THBS4: variants seen among roughly 807,000 people sequenced by gnomAD.
THBS4 encodes thrombospondin-4.
A neutral mutation model predicts 115.7 loss-of-function variants in THBS4; 90 were observed. The observed-to-expected ratio is 0.78, with a 90% confidence interval of 0.66 to 0.93. THBS4 has a LOEUF of 0.93. THBS4 is among the 40% of genes least tolerant of loss of function. The pLI is 0.00. For missense variants in THBS4, 1,087 were observed against 1,232.7 expected (o/e 0.88, Z 1.77); for synonymous variants, 460 against 479.3 (o/e 0.96, Z 0.53).
At chr5:80,032,510 G>C (rs1301587126), upstream of THBS4, among the ~76,000 whole-genome samples, 1 of 151,794 alleles carries the variant, frequency 6.6e-6, no homozygotes, top group Non-Finnish European at 1.5e-5. Flanking sequence ...CCGTCTGCAA[G>C]CTGAGGAGCA....
chr5:80,066,110 A>C (rs980979825), intron 9 of THBS4, among the ~76,000 whole-genome samples: 3 of 151,940 alleles, frequency 2.0e-5, no homozygotes, highest in African/African-American at 4.8e-5. Context: ...AAAAAAAAAA[A>C]AAAAACTTTT....
Position 80,083,277 on chromosome 5 carries a change from A to G in THBS4, c.*136A>G. On this transcript the variant is annotated 3_prime_UTR_variant, in exon 22 of 22. Transcript: ENST00000350881. ...ATGTGGCAATAAAGGAGAAGAGATCATTTTTAAAAACCGTGTTGCTCAGAC... is the reference window on the plus strand; with the variant it reads ...ATGTGGCAATAAAGGAGAAGAGATCGTTTTTAAAAACCGTGTTGCTCAGAC... 6.3e-6 allele frequency: 5 copies of G among 790,260 alleles called. No homozygotes were observed. The South Asian group carries it at 6.6e-5, about 10-fold the overall frequency. 49.0% of individuals were successfully genotyped at this position (790,260 alleles called of 1,614,324 possible).
At chr5:80,007,065 A>G (rs1024357835) in intron 2 of THBS4, among the ~76,000 whole-genome samples, 2 of 152,158 alleles carry the variant, frequency 1.3e-5, no homozygotes, top group Non-Finnish European at 2.9e-5. Flanking sequence ...TATGAGACCA[A>G]GGAGATACAG....
intron 3 of THBS4, 142 bp from the exon 4 acceptor site, chr5:80,058,064 A>G (rs1833489815): frequency 6.4e-6 from 4 of 625,436 alleles, no homozygotes; most frequent in Non-Finnish European, 2.8e-6. Context: ...TTTAGGAAAA[A>G]ATGTGATCCT....
At chr5:80,032,857 C>T (rs1054851889), upstream of THBS4, among the ~76,000 whole-genome samples, 3 of 152,188 alleles carry the variant, frequency 2.0e-5, no homozygotes, top group Non-Finnish European at 4.4e-5. Flanking sequence ...GCAGCACCCT[C>T]ACAGACACAC....
At chr5:80,060,236 T>C in intron 7 of THBS4, among the ~76,000 whole-genome samples, 1 of 152,206 alleles carries the variant, frequency 6.6e-6, no homozygotes, top group Non-Finnish European at 1.5e-5. Flanking sequence ...CCCCCACTTT[T>C]GCAAATGTGG....
At chr5:80,082,335 CT>C (rs1743552773) in intron 20 of THBS4, 70 bp from the exon 21 acceptor site, 1 of 1,586,788 alleles carries the variant, frequency 6.3e-7, no homozygotes, top group Non-Finnish European at 8.6e-7. Context: ...AGTGGGGCCC[CT>C]GGGCCTCACA....
chr5:79,991,390 T>A, exon 1 of THBS4: 1 of 690,168 alleles, frequency 1.4e-6, no homozygotes, highest in Non-Finnish European at 2.3e-6. Flanking sequence ...AGAAGAACTC[T>A]TAGGAGCAGC....
chr5:80,075,627 C>G (rs1202591356), intron 15 of THBS4, among the ~76,000 whole-genome samples: 1 of 152,238 alleles, frequency 6.6e-6, no homozygotes, highest in South Asian at 2.1e-4. Flanking sequence ...TCCTGTCCCA[C>G]CAGCCTCTAG....
chr5:80,068,868 G>T (rs1274789875), intron 10 of THBS4: 1 of 153,194 alleles, frequency 6.5e-6, no homozygotes, highest in Non-Finnish European at 1.5e-5. Context: ...GCATGCTCCT[G>T]CCATCCATTC....
In THBS4 at chr5:80,035,463, G is replaced by C. The variant is rs1453059083; in HGVS notation, c.-75G>C. ...GCCCGGGCGCCGACCGAGGTTCAACGCACGGCCCGGGGACCCCCAGGCGGG... is the reference window on the plus strand; with the variant it reads ...GCCCGGGCGCCGACCGAGGTTCAACCCACGGCCCGGGGACCCCCAGGCGGG... On this transcript the variant is annotated 5_prime_UTR_variant, in exon 1 of 22. Transcript: ENST00000350881. The surrounding 1 kb of genome is among the most constrained non-coding windows in gnomAD (Gnocchi z 4.6). 2 of 1,096,522 alleles carry C rather than the reference G, an allele frequency of 1.8e-6. No individual in the cohort carries two copies. Among genetic ancestry groups the C allele is most frequent in the East Asian group, 3.3e-5 (1 of 30,114 alleles). 67.9% of individuals were successfully genotyped at this position (1,096,522 alleles called of 1,614,324 possible). A position where few individuals can be genotyped will look rare whatever the true frequency, so the allele number is the denominator to read the frequency against.
intron 10 of THBS4, among the ~76,000 whole-genome samples, chr5:80,069,420 G>A (rs1234878915): frequency 6.6e-6 from 1 of 152,136 alleles, no homozygotes; most frequent in Non-Finnish European, 1.5e-5. Context: ...GGTTGGGCTT[G>A]TTTATTACCA....
chr5:80,025,653 T>A (rs1832461758), intron 2 of THBS4, among the ~76,000 whole-genome samples: 1 of 152,200 alleles, frequency 6.6e-6, no homozygotes, highest in Non-Finnish European at 1.5e-5. Flanking sequence ...GAGCTCTTCC[T>A]GATAGGTGCT....
chr5:80,064,730 T>TCAA (rs768683234), intron 8 of THBS4, among the ~76,000 whole-genome samples: 2 of 151,998 alleles, frequency 1.3e-5, no homozygotes, highest in Admixed American at 6.6e-5. Flanking sequence ...AGACCCTGTC[T>TCAA]CAACAACAAC....
chr5:80,055,698 A>G (rs1833400136), intron 2 of THBS4, 87 bp from the exon 3 acceptor site: 6 of 1,540,386 alleles, frequency 3.9e-6, no homozygotes, highest in Non-Finnish European at 5.3e-6. Context: ...GCTGTTCAGC[A>G]CAGGACACTT....
At chr5:80,048,070 A>G (rs969793352) in intron 2 of THBS4, among the ~76,000 whole-genome samples, 2 of 152,160 alleles carry the variant, frequency 1.3e-5, no homozygotes, top group Non-Finnish European at 2.9e-5. Flanking sequence ...AGCCGTGATC[A>G]TGCCACTGCA....
Position 80,070,337 on chromosome 5 carries a change from T to A in THBS4, c.1379T>A (p.Ile460Asn), listed in dbSNP as rs775124343. 2.5e-6 allele frequency: 4 copies of A among 1,605,184 alleles called. No homozygotes were observed. In the African/African-American group the frequency reaches 5.4e-5, roughly 21 times the overall value. Residue 460 changes from isoleucine to asparagine, a missense_variant, in exon 11 of 22, where the codon ATC becomes AAC. Physicochemically the swap from Ile to Asn is moderately radical, Grantham distance 149 (BLOSUM62 -3). Transcript: ENST00000350881. ...CGVGWAGDGYICGKDVDIDSY... is the reference protein window; with the variant it reads ...CGVGWAGDGYNCGKDVDIDSY... ...GTCGGTTGGGCTGGAGATGGCTATA[T>A]CTGTGGAAAGGATGTGGACATCGAC...
chr5:80,033,994 G>T (rs1832636950), upstream of THBS4, among the ~76,000 whole-genome samples: 1 of 152,192 alleles, frequency 6.6e-6, no homozygotes, highest in Non-Finnish European at 1.5e-5. Flanking sequence ...AGGCAAGGCT[G>T]TTCTGCTTGA....
intron 14 of THBS4, among the ~76,000 whole-genome samples, chr5:80,072,837 G>C (rs927224278): frequency 6.6e-6 from 1 of 152,174 alleles, no homozygotes; most frequent in African/African-American, 2.4e-5. Context: ...GGTATGATGT[G>C]TCATTTATTT....
Sources: allele counts gnomAD v4.1 joint callset (sites outside exome capture counted in the v4.1 genomes callset), GRCh38; gene constraint gnomAD v4.1.1; non-coding constraint Gnocchi (gnomAD v3.1); transcripts MANE v1.5; gene names NCBI Gene and HGNC (gene_info 2026-07-23, HGNC 2026-07-21).